The following THSD4 variants were observed in gnomAD, a reference collection of about 807,000 sequenced individuals.
THSD4 encodes the protein thrombospondin type-1 domain-containing protein 4.
THSD4 carries 69 observed loss-of-function variants against 119.0 expected under a neutral mutation model. The ratio of observed to expected loss-of-function variants is 0.58; its 90% CI spans 0.48 to 0.71. THSD4 has a LOEUF of 0.71. THSD4 is among the 30% of genes least tolerant of loss of function. THSD4 has a pLI of 0.00. For missense variants in THSD4, 1,393 were observed against 1,391.1 expected (o/e 1.00, Z -0.02); for synonymous variants, 524 against 540.4 (o/e 0.97, Z 0.42).
chr15:71,675,518 T>C (rs890745053), intron 8 of THSD4, among the ~76,000 whole-genome samples: 1 of 152,074 alleles, frequency 6.6e-6, no homozygotes, highest in Non-Finnish European at 1.5e-5. Flanking sequence ...TCGTGCTGGC[T>C]CTCCTGAGGC....
At chr15:71,571,045 C>T (rs946459439) in intron 7 of THSD4, among the ~76,000 whole-genome samples, 8 of 152,258 alleles carry the variant, frequency 5.3e-5, no homozygotes, top group African/African-American at 1.4e-4. Flanking sequence ...GGCTGTGAGA[C>T]GTCAGAACTC....
At position 71,548,347 on chromosome 15, in the gene THSD4, A is replaced by G. The variant is rs544193057; in HGVS notation, c.1153-112183A>G. Among the ~76,000 whole-genome samples, 29 of 152,296 alleles carry G rather than the reference A, an allele frequency of 1.9e-4. No individual in the cohort carries two copies. The South Asian group carries it at 2.3e-3, about 12-fold the overall frequency. On this transcript the variant is annotated intron_variant, in intron 7 of 17. Coordinates refer to ENST00000261862, the MANE Select transcript of THSD4 (RefSeq NM_024817.3). ...CTTTGAAAAGCCAAATGAAAAGTGT[A>G]TCTCCTAAAAAGGCCATGAGGCCAC...
intron 7 of THSD4, among the ~76,000 whole-genome samples, chr15:71,426,073 C>G (rs2046862746): frequency 6.6e-6 from 1 of 152,156 alleles, no homozygotes; most frequent in Admixed American, 6.5e-5. Flanking sequence ...CCTTCTGGCT[C>G]CCGAACTCCT....
At chr15:71,339,636 A>G (rs892468690) in intron 6 of THSD4, among the ~76,000 whole-genome samples, 16 of 152,270 alleles carry the variant, frequency 1.1e-4, no homozygotes, top group African/African-American at 3.4e-4. Flanking sequence ...AACTTGAGAT[A>G]AGTTCTTAAT....
At chr15:71,387,251 A>T (rs530767414) in intron 6 of THSD4, among the ~76,000 whole-genome samples, 1 of 151,834 alleles carries the variant, frequency 6.6e-6, no homozygotes, top group South Asian at 2.1e-4. Flanking sequence ...GATCTTTTTG[A>T]CTGACATTGT....
intron 7 of THSD4, among the ~76,000 whole-genome samples, chr15:71,608,961 A>T (rs72740646): frequency 6.6e-6 from 1 of 152,202 alleles, no homozygotes; most frequent in African/African-American, 2.4e-5. Context: ...AGAGGACATC[A>T]GTCTCTCCCT....
chr15:71,744,661 C>T (rs1454714485), intron 11 of THSD4, among the ~76,000 whole-genome samples: 1 of 152,184 alleles, frequency 6.6e-6, no homozygotes, highest in Non-Finnish European at 1.5e-5. Context: ...TCTACCCAAA[C>T]CCAATTCTTT....
intron 7 of THSD4, among the ~76,000 whole-genome samples, chr15:71,617,960 C>G (rs1350998908): frequency 1.3e-5 from 2 of 152,222 alleles, no homozygotes; most frequent in Non-Finnish European, 2.9e-5. Flanking sequence ...CAATTCCCCC[C>G]TGGCTGGCAT....
At chr15:71,583,129 T>A (rs1024366335) in intron 7 of THSD4, among the ~76,000 whole-genome samples, 1 of 152,184 alleles carries the variant, frequency 6.6e-6, no homozygotes, top group African/African-American at 2.4e-5. Flanking sequence ...GATTTGCTAT[T>A]TCTTTATGAT....
At chr15:71,397,374 ATTAT>A (rs1307652694) in intron 6 of THSD4, among the ~76,000 whole-genome samples, 1 of 152,312 alleles carries the variant, frequency 6.6e-6, no homozygotes. Flanking sequence ...TCTTTTTAAA[ATTAT>A]TTATTTGGTA....
At position 71,765,200 on chromosome 15, in the gene THSD4, G is replaced by C. The variant is rs747166521; in HGVS notation, c.2769+1G>C. On this transcript the variant is annotated splice_donor_variant, in intron 16 of 17. Coordinates refer to ENST00000261862, the MANE Select transcript of THSD4 (RefSeq NM_024817.3). LOFTEE classifies it high-confidence loss of function. ...ATGGTTTAGCACCGAATGGAGCATGGTAAGTCATGGTGCTCTTGATGGAGG... is the reference window on the plus strand; with the variant it reads ...ATGGTTTAGCACCGAATGGAGCATGCTAAGTCATGGTGCTCTTGATGGAGG... The C allele has an allele frequency of 3.7e-6, 6 of 1,613,552 alleles. No individual in the cohort carries two copies. The highest frequency in any genetic ancestry group is 5.1e-6 in the Non-Finnish European group (6 of 1,179,652).
chr15:71,774,494 A>C (rs1462652227), intron 17 of THSD4, among the ~76,000 whole-genome samples: 2 of 152,186 alleles, frequency 1.3e-5, no homozygotes, highest in Admixed American at 6.5e-5. Flanking sequence ...GGCAACTCGT[A>C]ACTTGGTGTA....
chr15:71,454,977 CT>C (rs2047317743), intron 7 of THSD4, among the ~76,000 whole-genome samples: 1 of 152,204 alleles, frequency 6.6e-6, no homozygotes, highest in South Asian at 2.1e-4. Flanking sequence ...CAACATGAAT[CT>C]TCTCTGATTT....
chr15:71,256,475 C>CAAA, intron 5 of THSD4, 138 bp from the exon 6 acceptor site: 3 of 356,410 alleles, frequency 8.4e-6, no homozygotes, highest in Non-Finnish European at 1.2e-5. Flanking sequence ...GACTCCATCT[C>CAAA]AAAAAAAAAA....
intron 9 of THSD4, chr15:71,729,442 T>C (rs1054346690): frequency 3.3e-5 from 5 of 152,300 alleles, no homozygotes; most frequent in Non-Finnish European, 7.3e-5. Flanking sequence ...CCCATGAATA[T>C]ACACATTATT....
At chr15:71,313,271 T>A (rs2045137579) in intron 6 of THSD4, among the ~76,000 whole-genome samples, 1 of 147,094 alleles carries the variant, frequency 6.8e-6, no homozygotes, top group Non-Finnish European at 1.5e-5. Flanking sequence ...CACAACCCCG[T>A]CATTCTGTGT....
At chr15:71,113,781 A>G (rs2040325406), upstream of THSD4, 1 of 152,276 alleles carries the variant, frequency 6.6e-6, no homozygotes, top group South Asian at 2.1e-4. Context: ...GAATGAATGA[A>G]TAAATCAATC....
intron 7 of THSD4, among the ~76,000 whole-genome samples, chr15:71,428,503 A>C (rs2046903241): frequency 1.3e-5 from 2 of 152,214 alleles, no homozygotes. Context: ...GGACCTGGAC[A>C]TCTGAGTGAA....
chr15:71,103,285 C>T (rs2040261077), intron 1 of THSD4, among the ~76,000 whole-genome samples: 1 of 152,106 alleles, frequency 6.6e-6, no homozygotes, highest in Admixed American at 6.6e-5. Context: ...GTGTGTGTGC[C>T]ACCCAGTGGC....
Sources: allele counts gnomAD v4.1 joint callset (sites outside exome capture counted in the v4.1 genomes callset), GRCh38; gene constraint gnomAD v4.1.1; transcripts MANE v1.5; gene names NCBI Gene and HGNC (gene_info 2026-07-23, HGNC 2026-07-21).